The following CDH4 variants were observed in gnomAD, a reference collection of about 807,000 sequenced individuals.
CDH4 encodes cadherin 4.
In CDH4, 33 loss-of-function variants were observed where a neutral mutation model predicts 86.0. That is an observed-to-expected ratio of 0.38 (90% CI 0.29 to 0.51). The LOEUF is 0.51. CDH4 is among the 20% of genes least tolerant of loss of function. The probability of loss-of-function intolerance (pLI) is 0.86; values close to 1 mark genes in which losing one functional copy is unlikely to be tolerated. For missense variants in CDH4, 1,114 were observed against 1,307.4 expected (o/e 0.85, Z 2.28); for synonymous variants, 555 against 549.4 (o/e 1.01, Z -0.14).
At chr20:61,264,455 C>G (rs1015143948) in intron 2 of CDH4, among the ~76,000 whole-genome samples, 9 of 147,472 alleles carry the variant, frequency 6.1e-5, no homozygotes, top group Non-Finnish European at 1.0e-4. Flanking sequence ...TTCAGTCCTA[C>G]ACATACCCCA....
rs1237733536 is a variant in CDH4 at position 61,933,921 on chromosome 20, C to CA, written c.2380-135_2380-134insA. 3 of 963,826 alleles carry CA rather than the reference C, an allele frequency of 3.1e-6. No homozygotes were observed. The African/African-American group carries it at 4.8e-5, about 16-fold the overall frequency. 59.7% of individuals were successfully genotyped at this position (963,826 alleles called of 1,614,324 possible). On this transcript the variant is annotated intron_variant, in intron 14 of 15. Transcript: ENST00000614565. ...GGGCACAGCAGGGGACAGCATGGTTCTGTGGGATGCTTGGAGACCAGGCCA... is the reference window on the plus strand; with the variant it reads ...GGGCACAGCAGGGGACAGCATGGTTCATGTGGGATGCTTGGAGACCAGGCCA...
At chr20:61,607,819 A>G (rs955607847) in intron 2 of CDH4, among the ~76,000 whole-genome samples, 5 of 152,214 alleles carry the variant, frequency 3.3e-5, no homozygotes, top group Non-Finnish European at 7.3e-5. Context: ...GGCTGTCCTT[A>G]GTAGCCAAAG....
intron 2 of CDH4, among the ~76,000 whole-genome samples, chr20:61,317,011 T>C (rs2084480045): frequency 2.8e-5 from 4 of 143,162 alleles, no homozygotes; most frequent in Admixed American, 2.0e-4. Context: ...AACCTGCTAT[T>C]TCTTTTTTTT....
intron 2 of CDH4, among the ~76,000 whole-genome samples, chr20:61,733,066 C>T (rs1002637340): frequency 4.4e-5 from 3 of 68,564 alleles, no homozygotes; most frequent in African/African-American, 1.2e-4. Flanking sequence ...TGTGAGATGA[C>T]GCATGGACAG....
chr20:61,770,193 G>C (rs537111047), intron 3 of CDH4, among the ~76,000 whole-genome samples: 1 of 152,254 alleles, frequency 6.6e-6, no homozygotes, highest in South Asian at 2.1e-4. Flanking sequence ...GAGACCCCTG[G>C]GTCTCCATGT....
intron 2 of CDH4, among the ~76,000 whole-genome samples, chr20:61,498,013 C>T (rs1464374317): frequency 1.5e-5 from 2 of 133,878 alleles, no homozygotes; most frequent in Admixed American, 9.0e-5. Context: ...ACAATGAGAA[C>T]ACATGGACAC....
At chr20:61,922,602 C>T (rs2054993998) in intron 9 of CDH4, among the ~76,000 whole-genome samples, 1 of 152,212 alleles carries the variant, frequency 6.6e-6, no homozygotes, top group African/African-American at 2.4e-5. Context: ...AATCAAGGTG[C>T]CGGCAGGAAC....
intron 8 of CDH4, among the ~76,000 whole-genome samples, chr20:61,906,155 G>A (rs777943055): frequency 3.3e-5 from 5 of 152,204 alleles, no homozygotes; most frequent in Admixed American, 1.3e-4. Context: ...TTATTGAGGC[G>A]GGGGCCTCAG....
intron 2 of CDH4, among the ~76,000 whole-genome samples, chr20:61,724,744 C>T (rs1031082730): frequency 1.3e-5 from 2 of 152,174 alleles, no homozygotes; most frequent in Non-Finnish European, 2.9e-5. Context: ...CTAAATTTTC[C>T]TCCTGATTTG....
chr20:61,718,286 C>T (rs940808497), intron 2 of CDH4: 2 of 162,930 alleles, frequency 1.2e-5, no homozygotes, highest in African/African-American at 4.8e-5. Flanking sequence ...CCCTTCTCGG[C>T]ATCCCTGCCT....
At chr20:61,523,750 T>C (rs1024366481) in intron 2 of CDH4, among the ~76,000 whole-genome samples, 1 of 152,242 alleles carries the variant, frequency 6.6e-6, no homozygotes, top group African/African-American at 2.4e-5. Context: ...CGACCATCAG[T>C]GTGGATACCT....
chr20:61,654,796 G>GC (rs1441151279), intron 2 of CDH4, among the ~76,000 whole-genome samples: 1 of 152,374 alleles, frequency 6.6e-6, no homozygotes, highest in East Asian at 1.9e-4. Flanking sequence ...AAACCAGTGG[G>GC]CAGAGCTCTC....
chr20:61,323,589 C>T (rs1194027506), intron 2 of CDH4, among the ~76,000 whole-genome samples: 1 of 152,194 alleles, frequency 6.6e-6, no homozygotes, highest in African/African-American at 2.4e-5. Context: ...GCAACCCCTC[C>T]CCACCCCTGC....
chr20:61,562,726 T>C (rs1322835206), intron 2 of CDH4, among the ~76,000 whole-genome samples: 1 of 152,256 alleles, frequency 6.6e-6, no homozygotes, highest in Non-Finnish European at 1.5e-5. Flanking sequence ...TGGGAATGGT[T>C]CTCTGATTTA....
In CDH4 at chr20:61,368,514, G is replaced by A. The variant is rs367750090; in HGVS notation, c.169+113577G>A. Among the ~76,000 whole-genome samples, 245 of 152,194 alleles carry A rather than the reference G, an allele frequency of 1.6e-3. 1 individual carries two copies. The highest frequency in any genetic ancestry group is 5.6e-3 in the African/African-American group (234 of 41,512). On this transcript the variant is annotated intron_variant, in intron 2 of 15. Transcript: ENST00000614565. ...CCTCCAAAGCAATGAACAATAAATT[G>A]CTGTTGTTTATAAGTCACCCAAGGA... is the stretch of plus-strand genomic sequence containing the variant.
chr20:61,842,595 C>G (rs756105973), intron 4 of CDH4, among the ~76,000 whole-genome samples: 1 of 152,214 alleles, frequency 6.6e-6, no homozygotes, highest in Non-Finnish European at 1.5e-5. Context: ...CCTATGCTTG[C>G]ATAACATATA....
chr20:61,345,716 T>C (rs1047393589), intron 2 of CDH4, among the ~76,000 whole-genome samples: 1 of 152,148 alleles, frequency 6.6e-6, no homozygotes, highest in Non-Finnish European at 1.5e-5. Context: ...AGATCCTGAA[T>C]GGACAGCAAG....
At chr20:61,542,075 C>T (rs2086043524) in intron 2 of CDH4, among the ~76,000 whole-genome samples, 2 of 152,096 alleles carry the variant, frequency 1.3e-5, no homozygotes, top group South Asian at 2.1e-4. Flanking sequence ...TCAAAGCAGC[C>T]GGGAATGCTG....
intron 2 of CDH4, among the ~76,000 whole-genome samples, chr20:61,715,226 C>T (rs2087940151): frequency 6.6e-6 from 1 of 152,224 alleles, no homozygotes; most frequent in South Asian, 2.1e-4. Flanking sequence ...AGTGTCTATT[C>T]ATGTCATTGG....
Sources: gnomAD v4.1 joint callset for allele counts (sites outside exome capture counted in the v4.1 genomes callset) on GRCh38, gnomAD v4.1.1 for gene constraint, MANE v1.5 for transcripts, NCBI Gene and HGNC (gene_info 2026-07-23, HGNC 2026-07-21) for gene names.